Variants in ADGRL3 observed in about 807,000 individuals in gnomAD.
ADGRL3 encodes the protein calcium-independent alpha-latrotoxin receptor 3.
A neutral mutation model predicts 153.5 loss-of-function variants in ADGRL3; 62 were observed. The ratio of observed to expected loss-of-function variants is 0.40; its 90% CI spans 0.33 to 0.50. ADGRL3 has a LOEUF of 0.50. ADGRL3 is among the 20% of genes least tolerant of loss of function. ADGRL3 has a pLI of 0.47. For synonymous variants in ADGRL3, 710 were observed against 672.5 expected (o/e 1.06, Z -0.86); for missense variants, 1,641 against 1,859.4 (o/e 0.88, Z 2.16).
chr4:61,841,713 A>G (rs1302271484), intron 9 of ADGRL3, among the ~76,000 whole-genome samples: 1 of 152,234 alleles, frequency 6.6e-6, no homozygotes, highest in African/African-American at 2.4e-5. Context: ...TAAATTACTT[A>G]TCATGAGAAA....
intron 8 of ADGRL3, among the ~76,000 whole-genome samples, chr4:61,794,973 G>A (rs1451723466): frequency 6.6e-6 from 1 of 152,116 alleles, no homozygotes; most frequent in African/African-American, 2.4e-5. Context: ...TCATGCCTAA[G>A]CAGTTCAGAT....
At chr4:61,955,284 C>A (rs2098961917) in intron 17 of ADGRL3, among the ~76,000 whole-genome samples, 1 of 152,036 alleles carries the variant, frequency 6.6e-6, no homozygotes, top group African/African-American at 2.4e-5. Context: ...TGTAAATATA[C>A]TTTAAATTAG....
chr4:61,950,818 A>G (rs565111973), intron 17 of ADGRL3, among the ~76,000 whole-genome samples: 190 of 152,316 alleles, frequency 1.2e-3, no homozygotes, highest in African/African-American at 4.5e-3. Flanking sequence ...TAGCTATTGG[A>G]TAAAACTGGT....
rs2098996278 is a variant in ADGRL3, at chr4:61,963,628, T to A, written c.2805+15352T>A. Among the ~76,000 whole-genome samples the A allele has an allele frequency of 2.0e-5, 3 of 152,342 alleles. No homozygotes were observed. The South Asian group carries it at 6.2e-4, about 32-fold the overall frequency. On this transcript the variant is annotated intron_variant, in intron 17 of 26. Coordinates refer to ENST00000683033, the MANE Select transcript of ADGRL3 (RefSeq NM_001387552.1). Reference sequence around the variant, plus strand: ...TATGGCTGCATAGTATTTTATAGTGTATATGTACCACATTTTTCTTTTTCT... The same window carrying A: ...TATGGCTGCATAGTATTTTATAGTGAATATGTACCACATTTTTCTTTTTCT...
At chr4:61,726,212 T>TTTTTTTTTTTTTTTTGTTTTTTG (rs2096339687) in intron 6 of ADGRL3, among the ~76,000 whole-genome samples, 2 of 146,160 alleles carry the variant, frequency 1.4e-5, no homozygotes, top group Non-Finnish European at 3.0e-5. Context: ...TTTTTTTTGT[T>TTTTTTTTTTTTTTTTGTTTTTTG]TTTTGAGAAG....
intron 8 of ADGRL3, among the ~76,000 whole-genome samples, chr4:61,805,065 C>T (rs1179709250): frequency 6.6e-6 from 1 of 151,820 alleles, no homozygotes; most frequent in Non-Finnish European, 1.5e-5. Flanking sequence ...AAGCGATTCT[C>T]CTGCCTCAGC....
chr4:61,441,882 A>G (rs1008599013), intron 2 of ADGRL3, among the ~76,000 whole-genome samples: 1 of 152,196 alleles, frequency 6.6e-6, no homozygotes. Flanking sequence ...TTAATATTTT[A>G]TGCTACCCAG....
At chr4:61,729,311 T>C (rs865894189) in intron 6 of ADGRL3, among the ~76,000 whole-genome samples, 2 of 152,106 alleles carry the variant, frequency 1.3e-5, no homozygotes, top group South Asian at 2.1e-4. Context: ...TTTTGATATA[T>C]GCCAGTTTTT....
chr4:61,796,695 C>A (rs1232981180), intron 8 of ADGRL3, among the ~76,000 whole-genome samples: 3 of 151,898 alleles, frequency 2.0e-5, no homozygotes, highest in African/African-American at 7.2e-5. Context: ...CTCTGGATAG[C>A]CTCTATTTTT....
rs779381665 is a variant in ADGRL3, at chr4:61,864,330, C to T, written c.1481-28326C>T. Among the ~76,000 whole-genome samples, 36 of 152,144 alleles carry T rather than the reference C, an allele frequency of 2.4e-4. 1 individual carries two copies. The highest frequency in any genetic ancestry group is 4.3e-4 in the Non-Finnish European group (29 of 68,024). On this transcript the variant is annotated intron_variant, in intron 9 of 26. Coordinates refer to ENST00000683033, the MANE Select transcript of ADGRL3 (RefSeq NM_001387552.1). ...TTCTCTAAGTCAATAACAATTTCCC[C>T]ATTGGATTTAAGCTCCAGATCAGAG... is the stretch of plus-strand genomic sequence containing the variant.
intron 6 of ADGRL3, among the ~76,000 whole-genome samples, chr4:61,702,553 T>C (rs2095786787): frequency 6.6e-6 from 1 of 152,208 alleles, no homozygotes; most frequent in South Asian, 2.1e-4. Context: ...TTCATTTTAT[T>C]TGAGCCCCTG....
At chr4:61,581,018 G>A (rs1004904385) in intron 4 of ADGRL3, among the ~76,000 whole-genome samples, 3 of 152,086 alleles carry the variant, frequency 2.0e-5, no homozygotes, top group African/African-American at 7.2e-5. Flanking sequence ...GATGGCTGTT[G>A]TGAAAGTTGG....
At chr4:62,027,514 G>A (rs909155336) in intron 21 of ADGRL3, among the ~76,000 whole-genome samples, 5 of 151,882 alleles carry the variant, frequency 3.3e-5, no homozygotes, top group Admixed American at 6.6e-5. Context: ...CCCATTGGAC[G>A]TACAGTTCTA....
At chr4:61,600,365 AT>A (rs553116463) in intron 5 of ADGRL3, among the ~76,000 whole-genome samples, 3 of 150,726 alleles carry the variant, frequency 2.0e-5, no homozygotes, top group Non-Finnish European at 3.0e-5. Context: ...ACAACTGCAG[AT>A]TTTTTTTAAG....
At chr4:61,360,560 T>G (rs2096267653) in intron 1 of ADGRL3, among the ~76,000 whole-genome samples, 1 of 152,194 alleles carries the variant, frequency 6.6e-6, no homozygotes, top group Non-Finnish European at 1.5e-5. Context: ...AAATATTTTC[T>G]TTTAATCTTT....
At chr4:61,370,417 C>A (rs1274134901) in intron 1 of ADGRL3, among the ~76,000 whole-genome samples, 1 of 151,574 alleles carries the variant, frequency 6.6e-6, no homozygotes, top group African/African-American at 2.4e-5. Flanking sequence ...CCCAGAGATT[C>A]TGGTATGTTG....
chr4:61,750,541 C>G (rs2096741546), intron 8 of ADGRL3, among the ~76,000 whole-genome samples: 1 of 152,108 alleles, frequency 6.6e-6, no homozygotes, highest in South Asian at 2.1e-4. Flanking sequence ...CCTGTAATCC[C>G]AGCACTTTGG....
At position 61,347,277 on chromosome 4, in the gene ADGRL3, C is replaced by T. The variant is rs551493860; in HGVS notation, c.-239-35847C>T. Among the ~76,000 whole-genome samples the T allele has an allele frequency of 1.9e-3, 283 of 149,382 alleles. 2 individuals are homozygous for T. Among genetic ancestry groups the T allele is most frequent in the African/African-American group, 6.6e-3 (268 of 40,414 alleles). ...AAAAGAGGCATAGTTATTTTTTTTT[C>T]CTGCTACTAGATAGAGAGGTATATT... is the stretch of plus-strand genomic sequence containing the variant. On this transcript the variant is annotated intron_variant, in intron 1 of 26. Coordinates refer to ENST00000683033, the MANE Select transcript of ADGRL3 (RefSeq NM_001387552.1).
chr4:61,938,731 G>A (rs1178672628), intron 15 of ADGRL3, among the ~76,000 whole-genome samples: 2 of 151,834 alleles, frequency 1.3e-5, no homozygotes, highest in Non-Finnish European at 2.9e-5. Flanking sequence ...GATGCATCTA[G>A]CGGAAGTGCC....
Sources: gnomAD v4.1 joint callset for allele counts (sites outside exome capture counted in the v4.1 genomes callset) on GRCh38, gnomAD v4.1.1 for gene constraint, MANE v1.5 for transcripts, NCBI Gene and HGNC (gene_info 2026-07-23, HGNC 2026-07-21) for gene names.